THADA: variants seen among roughly 807,000 people sequenced by gnomAD.
THADA encodes the protein tRNA (32-2'-O)-methyltransferase regulator THADA.
A neutral mutation model predicts 219.8 loss-of-function variants in THADA; 213 were observed. That is an observed-to-expected ratio of 0.97 (90% CI 0.87 to 1.09). THADA has a LOEUF of 1.09. Among genes scored for constraint, THADA ranks in the 50% least tolerant of loss-of-function variants. The probability of loss-of-function intolerance (pLI) is 0.00; values close to 1 mark genes in which losing one functional copy is unlikely to be tolerated. For synonymous variants in THADA, 1,018 were observed against 828.9 expected, an observed-to-expected ratio of 1.23 and a Z score of -3.92; for missense variants, 2,956 against 2,311.3, an observed-to-expected ratio of 1.28 and a Z score of -5.72.
intron 28 of THADA, among the ~76,000 whole-genome samples, chr2:43,405,184 A>T (rs1675380456): frequency 6.6e-6 from 1 of 152,148 alleles, no homozygotes; most frequent in South Asian, 2.1e-4. Flanking sequence ...CCAGGGCCCA[A>T]GTCTATTTTC....
At chr2:43,525,440 G>C (rs1407717545) in intron 22 of THADA, among the ~76,000 whole-genome samples, 1 of 152,160 alleles carries the variant, frequency 6.6e-6, no homozygotes, top group Admixed American at 6.5e-5. Context: ...GACTTCCAAG[G>C]CTGGGTCAGA....
chr2:43,523,937 C>T (rs1692824352), intron 22 of THADA, among the ~76,000 whole-genome samples: 1 of 152,042 alleles, frequency 6.6e-6, no homozygotes, highest in Non-Finnish European at 1.5e-5. Context: ...GTTGGATTCC[C>T]AACTTAACAT....
intron 28 of THADA, among the ~76,000 whole-genome samples, chr2:43,417,534 T>C (rs1309842755): frequency 6.6e-6 from 1 of 152,206 alleles, no homozygotes; most frequent in Non-Finnish European, 1.5e-5. Context: ...CCTTTTCTCC[T>C]GATTTCAGAT....
At chr2:43,424,519 C>G (rs1003693361) in intron 28 of THADA, among the ~76,000 whole-genome samples, 3 of 152,210 alleles carry the variant, frequency 2.0e-5, no homozygotes, top group Admixed American at 6.5e-5. Flanking sequence ...AAACAGCCCA[C>G]TCTTTACCAC....
intron 28 of THADA, among the ~76,000 whole-genome samples, chr2:43,399,992 C>G (rs114460984): frequency 0.035 from 5,278 of 152,298 alleles, 120 homozygotes; most frequent in Middle Eastern, 0.078. Flanking sequence ...TGTCTGTCCC[C>G]GACCTCTCCA....
intron 35 of THADA, among the ~76,000 whole-genome samples, chr2:43,282,958 T>C (rs6544639): frequency 0.17 from 26,105 of 152,150 alleles, 2,958 homozygotes; most frequent in African/African-American, 0.32. Flanking sequence ...AAGATACTAA[T>C]ATGGTTTGGA....
chr2:43,265,488 G>A (rs556537463), intron 36 of THADA, among the ~76,000 whole-genome samples: 9 of 152,260 alleles, frequency 5.9e-5, no homozygotes, highest in African/African-American at 2.2e-4. Flanking sequence ...ACTTGTGCCG[G>A]GCCCTTTCCT....
chr2:43,592,520 T>A (rs1701685035), intron 1 of THADA, 104 bp from the exon 2 acceptor site: 1 of 623,106 alleles, frequency 1.6e-6, no homozygotes, highest in Admixed American at 3.2e-5. Flanking sequence ...ATCCTATGCA[T>A]TATGTTTCAT....
In THADA at chr2:43,271,041, G is replaced by A. The variant is rs531406220; in HGVS notation, c.5296+8724C>T. 3.9e-5 allele frequency among the ~76,000 whole-genome samples: 6 copies of A among 152,300 alleles called. No homozygotes were observed. The East Asian group carries it at 1.2e-3, about 29-fold the overall frequency. On this transcript the variant is annotated intron_variant, in intron 36 of 37. Coordinates refer to ENST00000405975, the MANE Select transcript of THADA (RefSeq NM_022065.5). ...GCAGACGGGGCTCTGGGAGGAAGGG[G>A]CCACCTCCCCTAGGCCTTCCAGATC...
chr2:43,302,745 A>G (rs765781144), intron 31 of THADA, among the ~76,000 whole-genome samples: 1 of 152,154 alleles, frequency 6.6e-6, no homozygotes, highest in Non-Finnish European at 1.5e-5. Context: ...TAATTTAAAG[A>G]AATTTGTTTT....
At chr2:43,374,033 AT>A (rs1671095586) in intron 29 of THADA, among the ~76,000 whole-genome samples, 1 of 152,232 alleles carries the variant, frequency 6.6e-6, no homozygotes, top group South Asian at 2.1e-4. Flanking sequence ...ATCAAAAAAC[AT>A]TTCATTGATC....
chr2:43,348,181 A>G (rs1010332443), intron 29 of THADA, among the ~76,000 whole-genome samples: 2 of 152,172 alleles, frequency 1.3e-5, no homozygotes, highest in African/African-American at 4.8e-5. Flanking sequence ...CCTGATTTCC[A>G]TTTTGAAAAA....
intron 25 of THADA, among the ~76,000 whole-genome samples, chr2:43,491,626 G>T (rs572549953): frequency 1.3e-5 from 2 of 152,264 alleles, no homozygotes; most frequent in East Asian, 3.9e-4. Flanking sequence ...AGCATACTCA[G>T]TATGATAGCA....
chr2:43,425,446 ATGTG>A (rs70963396), intron 28 of THADA, among the ~76,000 whole-genome samples: 32,447 of 140,264 alleles, frequency 0.23, 3,974 homozygotes, highest in Non-Finnish European at 0.29. Context: ...TTAAAATTGT[ATGTG>A]TGTGTGTGTG....
At position 43,455,524 on chromosome 2, in the gene THADA, A is replaced by T. The variant is rs561331505; in HGVS notation, c.3837-25222T>A. ...CTCTCGCTCTCTCTCTCTCTCACAC[A>T]CACACACACACACACACAAACACAC... On this transcript the variant is annotated intron_variant, in intron 26 of 37. Transcript: ENST00000405975. Among the ~76,000 whole-genome samples the T allele has an allele frequency of 8.0e-3, 1,191 of 148,862 alleles. 3 individuals are homozygous for T. Among genetic ancestry groups the T allele is most frequent in the Non-Finnish European group, 0.012 (827 of 67,694 alleles).
intron 36 of THADA, among the ~76,000 whole-genome samples, chr2:43,251,505 C>G (rs955055007): frequency 6.6e-6 from 1 of 152,242 alleles, no homozygotes; most frequent in Non-Finnish European, 1.5e-5. Context: ...CAGAAGCCCC[C>G]AATCCCAGCT....
intron 14 of THADA, among the ~76,000 whole-genome samples, chr2:43,568,816 G>A (rs183817261): frequency 3.0e-4 from 46 of 152,186 alleles, no homozygotes; most frequent in African/African-American, 9.2e-4. Context: ...GTGGAGTGGG[G>A]GGAATCATTT....
chr2:43,491,812 T>C (rs1687671487), intron 25 of THADA, among the ~76,000 whole-genome samples: 1 of 152,116 alleles, frequency 6.6e-6, no homozygotes, highest in Non-Finnish European at 1.5e-5. Context: ...ATGACTTTAA[T>C]CCCAGCTAAA....
At chr2:43,259,480 T>C (rs1321050128) in intron 36 of THADA, among the ~76,000 whole-genome samples, 1 of 152,252 alleles carries the variant, frequency 6.6e-6, no homozygotes, top group Non-Finnish European at 1.5e-5. Context: ...CAGGCCCCTG[T>C]AGGCAGCAGA....
Sources: allele counts gnomAD v4.1 joint callset (sites outside exome capture counted in the v4.1 genomes callset), GRCh38; gene constraint gnomAD v4.1.1; transcripts MANE v1.5; gene names NCBI Gene and HGNC (gene_info 2026-07-23, HGNC 2026-07-21).